The following PCDH15 variants were observed in gnomAD, a reference collection of about 807,000 sequenced individuals.
The protein encoded by PCDH15 is protocadherin-15.
Under a neutral mutation model 178.5 loss-of-function variants are expected in PCDH15, and 129 were observed. The observed-to-expected ratio is 0.72, with a 90% CI of 0.63 to 0.84. The LOEUF (loss-of-function observed/expected upper bound fraction) is 0.84. Among genes scored for constraint, PCDH15 ranks in the 40% least tolerant of loss-of-function variants. The pLI is 0.00. For missense variants in PCDH15, 2,230 were observed against 2,099.9 expected, an observed-to-expected ratio of 1.06 and a Z score of -1.21; for synonymous variants, 800 against 732.0, an observed-to-expected ratio of 1.09 and a Z score of -1.50.
In PCDH15 at chr10:55,461,971, G is replaced by A. The variant is rs568694022; in HGVS notation, c.-156+165654C>T. Among the ~76,000 whole-genome samples the A allele has an allele frequency of 7.2e-4, 109 of 152,010 alleles. 2 individuals carry two copies. The highest frequency in any genetic ancestry group is 5.6e-3 in the South Asian group (27 of 4,810). Reference sequence around the variant, plus strand: ...TGCCACTACCAACTTTAGAGAATTCGGTCACACCCATTAATGGTCAAGACC... The same window carrying A: ...TGCCACTACCAACTTTAGAGAATTCAGTCACACCCATTAATGGTCAAGACC... On this transcript the variant is annotated intron_variant, in intron 2 of 5. Transcript: ENST00000613346.
chr10:55,011,957 A>T (rs1840056389), intron 2 of PCDH15, among the ~76,000 whole-genome samples: 1 of 152,090 alleles, frequency 6.6e-6, no homozygotes. Flanking sequence ...ACATCCAAAC[A>T]ATACTAAATC....
intron 8 of PCDH15, among the ~76,000 whole-genome samples, chr10:54,287,109 T>C (rs1220980906): frequency 1.3e-5 from 2 of 152,364 alleles, no homozygotes; most frequent in Middle Eastern, 3.4e-3. Flanking sequence ...CTAGTATTTC[T>C]ATTCCTTTTT....
At chr10:55,351,464 C>A (rs534444261) in intron 2 of PCDH15, among the ~76,000 whole-genome samples, 22 of 152,022 alleles carry the variant, frequency 1.4e-4, no homozygotes, top group Non-Finnish European at 2.6e-4. Context: ...ATCATTGTTG[C>A]TCAAGTAATC....
chr10:54,857,741 T>C (rs1331117439), intron 3 of PCDH15, among the ~76,000 whole-genome samples: 1 of 152,022 alleles, frequency 6.6e-6, no homozygotes, highest in Non-Finnish European at 1.5e-5. Context: ...CAAGAGCCAA[T>C]GTGCCTGACT....
chr10:53,845,106 G>A (rs2077886707), intron 28 of PCDH15, among the ~76,000 whole-genome samples: 1 of 151,812 alleles, frequency 6.6e-6, no homozygotes, highest in Middle Eastern at 3.4e-3. Context: ...GAGTCAATAG[G>A]CATATGAAAA....
At chr10:55,099,318 A>G (rs1352512571) in intron 2 of PCDH15, among the ~76,000 whole-genome samples, 1 of 152,142 alleles carries the variant, frequency 6.6e-6, no homozygotes, top group African/African-American at 2.4e-5. Flanking sequence ...ATGTAAAGAT[A>G]TAGAAATTTG....
At chr10:55,572,644 G>C (rs1049437044) in intron 2 of PCDH15, among the ~76,000 whole-genome samples, 1 of 151,982 alleles carries the variant, frequency 6.6e-6, no homozygotes, top group Non-Finnish European at 1.5e-5. Context: ...GATTTTGGTT[G>C]TGATGAAATA....
At chr10:54,718,588 GGA>G (rs937203944) in intron 1 of PCDH15, among the ~76,000 whole-genome samples, 6 of 151,250 alleles carry the variant, frequency 4.0e-5, no homozygotes, top group African/African-American at 1.5e-4. Context: ...CAAAAAATAA[GGA>G]GAGATAGCTT....
At chr10:54,360,469 C>T (rs1477176757) in intron 5 of PCDH15, among the ~76,000 whole-genome samples, 1 of 151,938 alleles carries the variant, frequency 6.6e-6, no homozygotes, top group Non-Finnish European at 1.5e-5. Context: ...AGACCAAAGC[C>T]CTGGCATTTT....
intron 1 of PCDH15, among the ~76,000 whole-genome samples, chr10:55,223,588 T>C (rs1840946392): frequency 6.6e-6 from 1 of 152,138 alleles, no homozygotes; most frequent in Non-Finnish European, 1.5e-5. Context: ...GGAGGTCCTC[T>C]TTTTCCTTTT....
At chr10:55,521,009 C>T (rs921741903) in intron 2 of PCDH15, among the ~76,000 whole-genome samples, 2 of 151,868 alleles carry the variant, frequency 1.3e-5, no homozygotes, top group Middle Eastern at 3.2e-3. Context: ...TACAATATTA[C>T]TAGCTACAGT....
At chr10:54,692,986 T>C (rs1206785144) in intron 1 of PCDH15, among the ~76,000 whole-genome samples, 1 of 152,002 alleles carries the variant, frequency 6.6e-6, no homozygotes, top group Non-Finnish European at 1.5e-5. Context: ...ACGTGTGCCA[T>C]GGTGGATTGC....
intron 20 of PCDH15, among the ~76,000 whole-genome samples, chr10:54,015,396 T>C (rs2092709504): frequency 7.5e-6 from 1 of 133,838 alleles, no homozygotes; most frequent in South Asian, 2.3e-4. Context: ...ACAAGAAAAA[T>C]GTATTCTAAA....
chr10:55,374,094 A>T (rs1845566257), intron 2 of PCDH15, among the ~76,000 whole-genome samples: 1 of 117,816 alleles, frequency 8.5e-6, no homozygotes, highest in Non-Finnish European at 1.9e-5. Context: ...TATAATAATA[A>T]TAATAATAAT....
chr10:53,871,176 TA>T (rs35624563), intron 26 of PCDH15, among the ~76,000 whole-genome samples: 79,672 of 144,098 alleles, frequency 0.55, 22,333 homozygotes, highest in East Asian at 0.7. Context: ...TACTAAAAAT[TA>T]AAAAAAAAAA....
intron 2 of PCDH15, among the ~76,000 whole-genome samples, chr10:55,074,853 T>C (rs1841841110): frequency 6.6e-6 from 1 of 152,162 alleles, no homozygotes; most frequent in Non-Finnish European, 1.5e-5. Context: ...TTTTGGGTTT[T>C]ACATTTAAGT....
intron 2 of PCDH15, among the ~76,000 whole-genome samples, chr10:54,953,744 T>C (rs1838405682): frequency 6.6e-6 from 1 of 151,402 alleles, no homozygotes; most frequent in South Asian, 2.1e-4. Flanking sequence ...CGGTATGTCC[T>C]AGAATTTAGA....
intron 8 of PCDH15, among the ~76,000 whole-genome samples, chr10:54,262,667 G>A (rs7087862): frequency 0.68 from 103,868 of 151,980 alleles, 36,491 homozygotes; most frequent in Middle Eastern, 0.76. Flanking sequence ...AGTGAAGGAG[G>A]AGGATCCTCC....
Position 53,923,607 on chromosome 10 carries a change from C to T in PCDH15, c.3373+15208G>A, listed in dbSNP as rs556685016. ...ATAAAACCAAGAAATCTTCTACCTA[C>T]TTAATTCCCATGTTTTCTTCCACAT... On this transcript the variant is annotated intron_variant, in intron 25 of 37. Transcript: ENST00000644397. Among the ~76,000 whole-genome samples the T allele has an allele frequency of 3.7e-3, 565 of 152,296 alleles. 1 individual carries two copies. The highest frequency in any genetic ancestry group is 0.013 in the African/African-American group (551 of 41,558).
Sources: allele counts gnomAD v4.1 joint callset (sites outside exome capture counted in the v4.1 genomes callset), GRCh38; gene constraint gnomAD v4.1.1; transcripts MANE v1.5; gene names NCBI Gene and HGNC (gene_info 2026-07-23, HGNC 2026-07-21).